The following AXIN1 variants were observed in gnomAD, a reference collection of about 807,000 sequenced individuals.
The protein encoded by AXIN1 is axin 1, also known as axin-1.
Under a neutral mutation model 76.4 loss-of-function variants are expected in AXIN1, and 30 were observed. The ratio of observed to expected loss-of-function variants is 0.39; its 90% CI spans 0.29 to 0.53. The LOEUF (loss-of-function observed/expected upper bound fraction) is 0.53. AXIN1 is among the 20% of genes least tolerant of loss of function. The pLI is 0.66. For missense variants in AXIN1, 1,140 were observed against 1,198.8 expected, an observed-to-expected ratio of 0.95 and a Z score of 0.72; for synonymous variants, 545 against 501.4, an observed-to-expected ratio of 1.09 and a Z score of -1.16.
At chr16:335,380 A>G (rs2053781253) in intron 2 of AXIN1, among the ~76,000 whole-genome samples, 1 of 152,088 alleles carries the variant, frequency 6.6e-6, no homozygotes, top group Non-Finnish European at 1.5e-5. Flanking sequence ...CAGCATGCCA[A>G]TAATGCAGCA....
intron 7 of AXIN1, among the ~76,000 whole-genome samples, chr16:295,577 A>G (rs1018965437): frequency 3.9e-5 from 6 of 152,086 alleles, no homozygotes; most frequent in Non-Finnish European, 7.4e-5. Flanking sequence ...AGTCTTAATG[A>G]ATAAAAAGTA....
intron 2 of AXIN1, among the ~76,000 whole-genome samples, chr16:325,702 G>A (rs2053565793): frequency 6.6e-6 from 1 of 152,028 alleles, no homozygotes; most frequent in African/African-American, 2.4e-5. Context: ...CCACGTGGCT[G>A]CAGGCTCCAG....
intron 4 of AXIN1, among the ~76,000 whole-genome samples, chr16:308,751 A>G (rs981302232): frequency 6.6e-6 from 1 of 152,182 alleles, no homozygotes; most frequent in Non-Finnish European, 1.5e-5. Context: ...GCACACACGC[A>G]CGCACCCACA....
intron 7 of AXIN1, among the ~76,000 whole-genome samples, chr16:294,866 T>TC (rs1485093964): frequency 6.7e-6 from 1 of 150,070 alleles, no homozygotes; most frequent in African/African-American, 2.4e-5. Flanking sequence ...ATCGAGACCG[T>TC]CCTGGCTAAC....
intron 2 of AXIN1, among the ~76,000 whole-genome samples, chr16:344,865 G>C (rs2054002900): frequency 6.6e-6 from 1 of 152,214 alleles, no homozygotes; most frequent in African/African-American, 2.4e-5. Flanking sequence ...TGATGAGCGA[G>C]TAGCCAATTT....
intron 6 of AXIN1, among the ~76,000 whole-genome samples, 154 bp from the exon 7 acceptor site, chr16:297,380 C>T (rs1315516523): frequency 6.6e-6 from 1 of 151,516 alleles, no homozygotes; most frequent in Non-Finnish European, 1.5e-5. Context: ...CCCGCTGTCC[C>T]CCGCCAGCTT....
intron 5 of AXIN1, among the ~76,000 whole-genome samples, chr16:299,569 G>A (rs933929502): frequency 2.0e-5 from 3 of 152,034 alleles, no homozygotes; most frequent in Non-Finnish European, 2.9e-5. Context: ...TGGCCAGGCT[G>A]GTCTCAAACT....
At chr16:322,612 T>A (rs1332096612) in intron 2 of AXIN1, among the ~76,000 whole-genome samples, 2 of 152,160 alleles carry the variant, frequency 1.3e-5, no homozygotes, top group Non-Finnish European at 2.9e-5. Flanking sequence ...CCATGCAGAC[T>A]CGGGTGTGCG....
In AXIN1 at chr16:340,433, G is replaced by A. The variant is rs117827850; in HGVS notation, c.878+5715C>T. The stretch of plus-strand genomic sequence containing the variant: ...AAGGGGCCAGCGGCGAGGAGACTGC[G>A]GGCTTGACCAAGCGGACCTGGCAGG... On this transcript the variant is annotated intron_variant, in intron 2 of 10. Transcript: ENST00000262320. Among the ~76,000 whole-genome samples, 85 of 152,312 alleles carry A rather than the reference G, an allele frequency of 5.6e-4. 1 individual carries two copies. In the East Asian group the frequency reaches 0.011, roughly 20 times the overall value.
chr16:308,857 G>T (rs2053097688), intron 4 of AXIN1, among the ~76,000 whole-genome samples: 1 of 152,202 alleles, frequency 6.6e-6, no homozygotes. Context: ...CATCTTCTCA[G>T]AAGTGATAAC....
chr16:339,778 G>A lies in AXIN1; in HGVS notation c.878+6370C>T, dbSNP rs74358334. Among the ~76,000 whole-genome samples, 414 of 152,050 alleles carry A rather than the reference G, an allele frequency of 2.7e-3. 2 individuals are homozygous for A. Among genetic ancestry groups the A allele is most frequent in the African/African-American group, 8.5e-3 (354 of 41,474 alleles). ...CCACACCCAGGCAAGGGGAGCCCACGCAAGGGGCAGTATGGCTCACAAGCA... is the reference window on the plus strand; with the variant it reads ...CCACACCCAGGCAAGGGGAGCCCACACAAGGGGCAGTATGGCTCACAAGCA... On this transcript the variant is annotated intron_variant, in intron 2 of 10. Transcript: ENST00000262320.
At chr16:297,353 TGCCCGCTTGTCCCCCACCCGCTGTCCCCC>T (rs2141505658) in intron 6 of AXIN1, 127 bp from the exon 7 acceptor site, 1 of 1,248,090 alleles carries the variant, frequency 8.0e-7, no homozygotes, top group Non-Finnish European at 1.1e-6. Flanking sequence ...CGCTGTCCCC[TGCCCGCTTGTCCCCCACCCGCTGTCCCCC>T]GCCAGCTTGT....
intron 1 of AXIN1, among the ~76,000 whole-genome samples, chr16:349,344 G>A (rs1014002878): frequency 6.6e-6 from 1 of 152,086 alleles, no homozygotes; most frequent in Non-Finnish European, 1.5e-5. Context: ...GTCACTCCGT[G>A]AGCCACATCA....
chr16:301,308 A>AC (rs977150620), intron 5 of AXIN1, among the ~76,000 whole-genome samples: 1 of 151,170 alleles, frequency 6.6e-6, no homozygotes, highest in Non-Finnish European at 1.5e-5. Flanking sequence ...AAAAAAAAAA[A>AC]CTGGAGTTAT....
At chr16:289,967 A>C in intron 9 of AXIN1, 1 of 395,084 alleles carries the variant, frequency 2.5e-6, no homozygotes, top group African/African-American at 2.0e-5. Flanking sequence ...CCTTAAAAAC[A>C]TCTGAAGGGC....
intron 7 of AXIN1, among the ~76,000 whole-genome samples, chr16:296,683 G>A (rs574866526): frequency 9.2e-5 from 14 of 152,324 alleles, no homozygotes; most frequent in African/African-American, 1.4e-4. Context: ...AGGCTCCTCC[G>A]TGGGCACCTC....
At chr16:300,616 C>T (rs1421489979) in intron 5 of AXIN1, among the ~76,000 whole-genome samples, 2 of 152,194 alleles carry the variant, frequency 1.3e-5, no homozygotes, top group African/African-American at 4.8e-5. Context: ...GTGGGCTTGG[C>T]TGCGGGCACC....
At chr16:339,223 G>T (rs74909771) in intron 2 of AXIN1, among the ~76,000 whole-genome samples, 16 of 142,876 alleles carry the variant, frequency 1.1e-4, no homozygotes, top group African/African-American at 3.8e-4. Context: ...AAAAAAAAAG[G>T]CCGGGCGTGG....
In AXIN1 at chr16:297,791, C is replaced by T; in HGVS notation, c.1715G>A (p.Gly572Glu). The T allele has an allele frequency of 1.9e-6, 3 of 1,568,692 alleles. No homozygotes were observed. The highest frequency in any genetic ancestry group is 1.2e-5 in the South Asian group (1 of 85,026). ...CTCTGAGTAGCCTCGGGACCTTGCC[C>T]CATGGCTGTGTGGTTCCAGGCCCCA... The part of the protein sequence containing the change: ...FAWGLEPHSH[G>E]ARSRGYSESV... Residue 572 changes from glycine to glutamate, a missense_variant, in exon 6 of 11, where the codon GGG becomes GAG. Gly to Glu is a moderately conservative substitution (Grantham distance 98, BLOSUM62 -2). Transcript: ENST00000262320.
Sources: gnomAD v4.1 joint callset for allele counts (sites outside exome capture counted in the v4.1 genomes callset) on GRCh38, gnomAD v4.1.1 for gene constraint, MANE v1.5 for transcripts, NCBI Gene and HGNC (gene_info 2026-07-23, HGNC 2026-07-21) for gene names.